The following KCNIP1 variants were observed in gnomAD, a reference collection of about 807,000 sequenced individuals.
KCNIP1 encodes the protein A-type potassium channel modulatory protein KCNIP1.
A neutral mutation model predicts 33.0 loss-of-function variants in KCNIP1; 18 were observed. The ratio of observed to expected loss-of-function variants is 0.55; its 90% CI spans 0.38 to 0.81. KCNIP1 has a LOEUF of 0.81. Among genes scored for constraint, KCNIP1 ranks in the 30% least tolerant of loss-of-function variants. The pLI, the probability that KCNIP1 is intolerant of heterozygous loss-of-function variation, is 0.00. For synonymous variants in KCNIP1, 93 were observed against 98.3 expected (o/e 0.95, Z 0.32); for missense variants, 238 against 271.6 (o/e 0.88, Z 0.87).
intron 1 of KCNIP1, among the ~76,000 whole-genome samples, chr5:170,551,308 G>T (rs1398667713): frequency 6.6e-6 from 1 of 152,158 alleles, no homozygotes; most frequent in African/African-American, 2.4e-5. Flanking sequence ...CCACTTCTAA[G>T]ATTACGTTAT....
chr5:170,467,941 G>GAAAAAAAAAAAAAAAAAAAAAAAA (rs1756644081), intron 1 of KCNIP1, among the ~76,000 whole-genome samples: 1 of 135,872 alleles, frequency 7.4e-6, no homozygotes. Context: ...AAAAAAAAAG[G>GAAAAAAAAAAAAAAAAAAAAAAAA]AAACTAAGTA....
At chr5:170,519,573 A>C (rs766247673) in intron 1 of KCNIP1, among the ~76,000 whole-genome samples, 6 of 152,204 alleles carry the variant, frequency 3.9e-5, no homozygotes, top group Non-Finnish European at 8.8e-5. Context: ...GATGGAAAAT[A>C]AAGTGTAAAT....
intron 1 of KCNIP1, among the ~76,000 whole-genome samples, chr5:170,394,354 C>T (rs9313503): frequency 0.27 from 41,766 of 152,004 alleles, 6,470 homozygotes; most frequent in African/African-American, 0.43. Context: ...GTCTCCTAAC[C>T]CAAGGGTAAG....
chr5:170,722,478 T>G (rs1467190953), intron 4 of KCNIP1, among the ~76,000 whole-genome samples: 1 of 151,554 alleles, frequency 6.6e-6, no homozygotes, highest in African/African-American at 2.4e-5. Context: ...GATCTGTGTC[T>G]CTCAGAGCTC....
intron 1 of KCNIP1, among the ~76,000 whole-genome samples, chr5:170,519,469 G>A (rs775503396): frequency 5.3e-5 from 8 of 152,198 alleles, no homozygotes; most frequent in African/African-American, 1.9e-4. Context: ...TTCCCTGGTG[G>A]TGTGGCCCTA....
rs146322911 is a variant in KCNIP1 at position 170,481,998 on chromosome 5, C to T, written c.88+128034C>T. On this transcript the variant is annotated intron_variant, in intron 1 of 7. Transcript: ENST00000377360. ...GTGAATTCTTTAAATCCCTGCCCTC[C>T]ATCAGCTGCTAAAGCATTCTGCTTC... is the stretch of plus-strand genomic sequence containing the variant. Among the ~76,000 whole-genome samples, 895 of 152,316 alleles carry T rather than the reference C, an allele frequency of 5.9e-3. 14 individuals are homozygous for T. The highest frequency in any genetic ancestry group is 0.055 in the South Asian group (264 of 4,826).
chr5:170,732,233 G>T (rs62392783), intron 5 of KCNIP1, among the ~76,000 whole-genome samples: 6,062 of 152,214 alleles, frequency 0.04, 161 homozygotes, highest in Middle Eastern at 0.082. Context: ...TCAGAATAAT[G>T]GTTCCCAATG....
chr5:170,700,879 G>A (rs955802504), intron 1 of KCNIP1, among the ~76,000 whole-genome samples: 2 of 152,194 alleles, frequency 1.3e-5, no homozygotes, highest in African/African-American at 4.8e-5. Context: ...GAAATTGTTG[G>A]TGACAAGCAC....
At chr5:170,703,093 G>A (rs1763155265) in intron 1 of KCNIP1, among the ~76,000 whole-genome samples, 1 of 137,626 alleles carries the variant, frequency 7.3e-6, no homozygotes, top group Non-Finnish European at 1.5e-5. Flanking sequence ...TAGCAGCACG[G>A]TACATTTAAG....
Position 170,734,290 on chromosome 5 carries a change from G to A in KCNIP1, c.603+392G>A, listed in dbSNP as rs572095671. ...ACAATTGTGTGATTCTCAAACCACA[G>A]TGTGCATAAAAATTGCCTGGAATGA... On this transcript the variant is annotated intron_variant, in intron 7 of 7. Transcript: ENST00000328939. Among the ~76,000 whole-genome samples the A allele has an allele frequency of 7.2e-5, 11 of 152,272 alleles. No homozygotes were observed. The South Asian group carries it at 2.3e-3, about 32-fold the overall frequency.
intron 1 of KCNIP1, chr5:170,379,078 G>C: frequency 7.3e-7 from 1 of 1,371,372 alleles, no homozygotes; most frequent in Non-Finnish European, 9.9e-7. Context: ...TCGGGCCCCT[G>C]GATTGGAGTC....
At position 170,733,888 on chromosome 5, in the gene KCNIP1, C is replaced by G. The variant is rs1228645206; in HGVS notation, c.593C>G (p.Ser198Ter). The G allele has an allele frequency of 1.9e-6, 3 of 1,613,306 alleles. No homozygotes were observed. The highest frequency in any genetic ancestry group is 2.5e-6 in the Non-Finnish European group (3 of 1,179,432). Residue 198 changes from serine (S) to a stop codon, truncating the protein, a stop_gained, in exon 7 of 8, where the codon TCA becomes TGA. Coordinates refer to ENST00000328939, the MANE Select transcript of KCNIP1 (RefSeq NM_014592.4). LOFTEE classifies it high-confidence loss of function. ...GTAACTTTAGATGAATTTCTTGAAT[C>G]ATGTCAGGAGGTAAGGAGAGATCTC... Reference protein sequence around the residue: ...GIVTLDEFLESCQEDDNIMRS... With the variant: ...GIVTLDEFLE
intron 1 of KCNIP1, among the ~76,000 whole-genome samples, chr5:170,416,536 A>G (rs1196121010): frequency 2.6e-5 from 4 of 152,094 alleles, no homozygotes; most frequent in African/African-American, 4.8e-5. Flanking sequence ...TTCCACCTCA[A>G]TGCTACGACA....
intron 1 of KCNIP1, among the ~76,000 whole-genome samples, chr5:170,475,032 T>C (rs535949471): frequency 6.6e-6 from 1 of 152,330 alleles, no homozygotes; most frequent in South Asian, 2.1e-4. Context: ...TGCTGATTGG[T>C]CCACTTTACA....
intron 1 of KCNIP1, among the ~76,000 whole-genome samples, chr5:170,473,157 T>A (rs1262170058): frequency 6.6e-6 from 1 of 152,246 alleles, no homozygotes; most frequent in Non-Finnish European, 1.5e-5. Flanking sequence ...ATTGTGGTTT[T>A]GATTTGCATT....
chr5:170,532,790 G>C (rs1297927614), intron 1 of KCNIP1, among the ~76,000 whole-genome samples: 3 of 152,126 alleles, frequency 2.0e-5, no homozygotes, highest in African/African-American at 7.2e-5. Flanking sequence ...GTCCCTCACA[G>C]TCCCTTCTCC....
At chr5:170,459,045 T>G (rs1438446992) in intron 1 of KCNIP1, among the ~76,000 whole-genome samples, 2 of 152,022 alleles carry the variant, frequency 1.3e-5, no homozygotes, top group African/African-American at 2.4e-5. Flanking sequence ...GTAACTATTC[T>G]TATATCAGAC....
At chr5:170,686,561 A>G (rs998381770) in intron 1 of KCNIP1, among the ~76,000 whole-genome samples, 2 of 152,186 alleles carry the variant, frequency 1.3e-5, no homozygotes, top group Non-Finnish European at 2.9e-5. Context: ...TTACACTGCA[A>G]AGGCAGACCA....
chr5:170,529,227 C>T (rs1581277734), intron 1 of KCNIP1, among the ~76,000 whole-genome samples: 1 of 152,172 alleles, frequency 6.6e-6, no homozygotes, highest in African/African-American at 2.4e-5. Flanking sequence ...GCTTCATTCT[C>T]AGGAAATGCT....
Sources: gnomAD v4.1 joint callset for allele counts (sites outside exome capture counted in the v4.1 genomes callset) on GRCh38, gnomAD v4.1.1 for gene constraint, MANE v1.5 for transcripts, NCBI Gene and HGNC (gene_info 2026-07-23, HGNC 2026-07-21) for gene names.